Variants in MAP2 observed in about 807,000 individuals in gnomAD.
MAP2 encodes the protein microtubule associated protein 2.
Under a neutral mutation model 137.6 loss-of-function variants are expected in MAP2, and 14 were observed. That is an observed-to-expected ratio of 0.10 (90% CI 0.07 to 0.16). The LOEUF is 0.16. Among genes scored for constraint, MAP2 ranks in the 10% least tolerant of loss-of-function variants. The pLI is 1.00. For synonymous variants in MAP2, 786 were observed against 782.3 expected (o/e 1.00, Z -0.08); for missense variants, 2,088 against 2,191.5 (o/e 0.95, Z 0.94).
chr2:209,650,668 A>G (rs73072867), intron 4 of MAP2, among the ~76,000 whole-genome samples: 1 of 152,186 alleles, frequency 6.6e-6, no homozygotes, highest in African/African-American at 2.4e-5. Flanking sequence ...TATGGACTGT[A>G]GTTAAAAGTA....
At chr2:209,540,408 C>T (rs1417312266) in intron 2 of MAP2, among the ~76,000 whole-genome samples, 5 of 151,536 alleles carry the variant, frequency 3.3e-5, no homozygotes, top group Admixed American at 6.6e-5. Flanking sequence ...CCCAGGCAGG[C>T]GGACCATGAG....
Position 209,680,777 on chromosome 2 carries a change from C to T in MAP2, c.404C>T (p.Pro135Leu), listed in dbSNP as rs1449280506. 2 of 1,613,678 alleles carry T rather than the reference C, an allele frequency of 1.2e-6. No individual in the cohort carries two copies. The highest frequency in any genetic ancestry group is 1.7e-4 in the Middle Eastern group (1 of 6,056). Residue 135 changes from proline to leucine, a missense_variant, in exon 7 of 16, where the codon CCT (proline) becomes CTT (leucine). Around this residue, in one of 6 missense-constraint regions of MAP2, gnomAD observed 859 missense variants for 794.5 expected, o/e 1.08. Coordinates refer to ENST00000682079, the MANE Select transcript of MAP2 (RefSeq NM_001375505.1). Reference sequence around the variant, plus strand: ...GCTGAAGAAACAGCTAATCTGCCTCCTTCTCCACCCCCATCACCTGCCTCA... The same window carrying T: ...GCTGAAGAAACAGCTAATCTGCCTCTTTCTCCACCCCCATCACCTGCCTCA... The part of the protein sequence containing the change: ...LAAEETANLP[P>L]SPPPSPASEQ...
At chr2:209,633,435 G>A (rs1390753672) in intron 4 of MAP2, among the ~76,000 whole-genome samples, 5 of 152,102 alleles carry the variant, frequency 3.3e-5, no homozygotes, top group Admixed American at 6.6e-5. Context: ...AAGTTTCACC[G>A]CTTCCAAAAC....
intron 5 of MAP2, among the ~76,000 whole-genome samples, chr2:209,658,273 C>T (rs1044099852): frequency 4.6e-5 from 7 of 151,710 alleles, no homozygotes; most frequent in African/African-American, 1.7e-4. Context: ...GTGCATGTGA[C>T]TTAACAGTGT....
chr2:209,464,911 T>C (rs1422509973), intron 1 of MAP2, among the ~76,000 whole-genome samples: 1 of 152,166 alleles, frequency 6.6e-6, no homozygotes, highest in South Asian at 2.1e-4. Flanking sequence ...CATGTATATA[T>C]GTATACTCAC....
intron 2 of MAP2, among the ~76,000 whole-genome samples, chr2:209,566,472 A>T (rs1296575523): frequency 3.9e-5 from 6 of 152,194 alleles, no homozygotes; most frequent in African/African-American, 9.6e-5. Flanking sequence ...CACCTGTCAG[A>T]CTGGCTCAGT....
In MAP2 at chr2:209,696,754, T is replaced by A. The variant is rs758032854; in HGVS notation, c.4387+6T>A. On this transcript the variant is annotated splice_donor_region_variant and intron_variant, in intron 9 of 15. Transcript: ENST00000682079. ...TGAAGTGAGAAGGAAAAAAGGTTCA[T>A]TTAACAATCACTTCTTTAAAAATGT... is the stretch of plus-strand genomic sequence containing the variant. The A allele has an allele frequency of 6.3e-7, 1 of 1,598,110 alleles. No homozygotes were observed. The highest frequency in any genetic ancestry group is 1.2e-5 in the South Asian group (1 of 86,716).
rs959518798 is a variant in MAP2, at chr2:209,724,255, A to T, written c.5074-1454A>T. The stretch of plus-strand genomic sequence containing the variant: ...CCAGTGTACACTTTAGCTTGATGGG[A>T]TTTTTTTTCCTGTCTCTTTCATTTA... On this transcript the variant is annotated intron_variant, in intron 13 of 15. Transcript: ENST00000682079. Among the ~76,000 whole-genome samples the T allele has an allele frequency of 3.3e-5, 5 of 151,878 alleles. No homozygotes were observed. In the South Asian group the frequency reaches 1.0e-3, roughly 32 times the overall value.
At chr2:209,459,910 T>G (rs1182145155) in intron 1 of MAP2, among the ~76,000 whole-genome samples, 1 of 152,118 alleles carries the variant, frequency 6.6e-6, no homozygotes, top group Admixed American at 6.6e-5. Flanking sequence ...ATGGAGAGTC[T>G]CTCCAACTCT....
chr2:209,571,021 T>A (rs1271811493), intron 2 of MAP2, among the ~76,000 whole-genome samples: 2 of 151,980 alleles, frequency 1.3e-5, no homozygotes, highest in Non-Finnish European at 2.9e-5. Context: ...GCCATTTATT[T>A]ACTAAAAGCC....
chr2:209,452,404 GCAT>G (rs1368418327), intron 1 of MAP2, among the ~76,000 whole-genome samples: 3 of 152,074 alleles, frequency 2.0e-5, no homozygotes, highest in African/African-American at 7.2e-5. Context: ...TTCCTATTGA[GCAT>G]AGATCAGTTT....
chr2:209,732,346 A>C lies in MAP2; in HGVS notation c.*1949A>C, dbSNP rs2075881771. On this transcript the variant is annotated 3_prime_UTR_variant, in exon 16 of 16. Transcript: ENST00000682079. ...CAAGAAACCCTAGGAGCAAACCCAC[A>C]CCACTCATTCTCAGCTAAGAGATTT... 1 of 152,194 alleles carries C rather than the reference A, an allele frequency of 6.6e-6. No individual in the cohort carries two copies. The allele number at this position is 152,194 out of a possible 1,614,324, so 9.4% of individuals were successfully genotyped here. A position where few individuals can be genotyped will look rare whatever the true frequency, so the allele number is the denominator to read the frequency against.
At position 209,695,111 on chromosome 2, in the gene MAP2, G is replaced by A; in HGVS notation, c.2941G>A (p.Glu981Lys). 6.2e-7 allele frequency: 1 copy of A among 1,614,148 alleles called. No individual in the cohort carries two copies. Among genetic ancestry groups the A allele is most frequent in the South Asian group, 1.1e-5 (1 of 91,078 alleles). The change falls in exon 8 of 16, where the codon GAA (glutamate) becomes AAA (lysine). Residue 981 changes from glutamate (E) to lysine (K), a missense_variant. By Grantham distance (56) the Glu-to-Lys change is moderately conservative. Coordinates refer to ENST00000682079, the MANE Select transcript of MAP2 (RefSeq NM_001375505.1). The part of the protein sequence containing the change: ...ADSKEHAKKT[E>K]EAGDEIETFG... Reference sequence around the variant, plus strand: ...TTCAAAAGAACATGCCAAGAAAACTGAAGAGGCTGGTGATGAAATAGAAAC... The same window carrying A: ...TTCAAAAGAACATGCCAAGAAAACTAAAGAGGCTGGTGATGAAATAGAAAC...
At position 209,482,170 on chromosome 2, in the gene MAP2, G is replaced by A. The variant is rs1386598197; in HGVS notation, c.-221-25422G>A. Among the ~76,000 whole-genome samples, 3 of 152,156 alleles carry A rather than the reference G, an allele frequency of 2.0e-5. No individual in the cohort carries two copies. In the East Asian group the frequency reaches 5.8e-4, roughly 29 times the overall value. Reference sequence around the variant, plus strand: ...GTATTATTTGTAGTTCTGTTGTAGAGACTGATCATGTGTCTTAGCTCTCTT... The same window carrying A: ...GTATTATTTGTAGTTCTGTTGTAGAAACTGATCATGTGTCTTAGCTCTCTT... On this transcript the variant is annotated intron_variant, in intron 1 of 15. Transcript: ENST00000682079.
intron 2 of MAP2, among the ~76,000 whole-genome samples, chr2:209,512,554 TATAC>T (rs2061862978): frequency 1.8e-5 from 2 of 113,458 alleles, no homozygotes; most frequent in Admixed American, 1.0e-4. Context: ...AGCCAGAAGT[TATAC>T]ACACACACAC....
At chr2:209,433,870 A>G (rs1694993654) in intron 1 of MAP2, among the ~76,000 whole-genome samples, 1 of 152,046 alleles carries the variant, frequency 6.6e-6, no homozygotes, top group Non-Finnish European at 1.5e-5. Flanking sequence ...TAAACAGAAA[A>G]GTACAAATTC....
chr2:209,429,984 C>T (rs1468206102), intron 1 of MAP2, among the ~76,000 whole-genome samples: 2 of 151,932 alleles, frequency 1.3e-5, no homozygotes, highest in African/African-American at 4.8e-5. Flanking sequence ...TTGTACCTCT[C>T]AAATTGGTAA....
intron 4 of MAP2, among the ~76,000 whole-genome samples, chr2:209,643,498 AC>A (rs1244275389): frequency 6.6e-6 from 1 of 152,172 alleles, no homozygotes; most frequent in African/African-American, 2.4e-5. Flanking sequence ...ACACATTTGC[AC>A]CCTGCTTATT....
At chr2:209,622,950 A>G (rs1219600031) in intron 3 of MAP2, among the ~76,000 whole-genome samples, 11 of 152,176 alleles carry the variant, frequency 7.2e-5, no homozygotes, top group Non-Finnish European at 1.5e-4. Flanking sequence ...TTTGGCCAAT[A>G]ATTTCCCAAT....
Sources: gnomAD v4.1 joint callset for allele counts (sites outside exome capture counted in the v4.1 genomes callset) on GRCh38, gnomAD v4.1.1 for gene constraint, gnomAD v4.1.1 regional missense constraint, MANE v1.5 for transcripts, NCBI Gene and HGNC (gene_info 2026-07-23, HGNC 2026-07-21) for gene names.